The following MSI2 variants were observed in gnomAD, a reference collection of about 807,000 sequenced individuals.
MSI2 encodes RNA-binding protein Musashi homolog 2.
In MSI2, 17 loss-of-function variants were observed where a neutral mutation model predicts 45.6. That is an observed-to-expected ratio of 0.37 (90% CI 0.26 to 0.56). The LOEUF is 0.56. Ranked by LOEUF, MSI2 falls within the 20% of genes least tolerant of loss-of-function variation. MSI2 has a pLI of 0.77. For synonymous variants in MSI2, 156 were observed against 158.2 expected, an observed-to-expected ratio of 0.99 and a Z score of 0.11; for missense variants, 293 against 444.2, an observed-to-expected ratio of 0.66 and a Z score of 3.06.
chr17:57,696,552 A>G, the MSI2 span, among the ~76,000 whole-genome samples: 2 of 152,092 alleles, frequency 1.3e-5, no homozygotes, highest in Non-Finnish European at 2.9e-5. Flanking sequence ...TGGGGAACAT[A>G]GCAAGACCCC....
chr17:57,283,051 T>A (rs1432269760), intron 5 of MSI2, among the ~76,000 whole-genome samples: 1 of 152,164 alleles, frequency 6.6e-6, no homozygotes, highest in Non-Finnish European at 1.5e-5. Context: ...ATTGCCCATG[T>A]CCAGTAACCC....
rs1010096652 is a variant in MSI2 at position 57,586,068 on chromosome 17, T to C, written c.455-10800T>C. The stretch of plus-strand genomic sequence containing the variant: ...TATGTTTCTCTCTCGCCAAGAACTA[T>C]TTTCCCGACCAAGATGGAACACCAC... On this transcript the variant is annotated intron_variant, in intron 7 of 13. Coordinates refer to ENST00000284073, the MANE Select transcript of MSI2 (RefSeq NM_138962.4). 3.9e-5 allele frequency among the ~76,000 whole-genome samples: 6 copies of C among 152,228 alleles called. No individual in the cohort carries two copies. The South Asian group carries it at 6.2e-4, about 16-fold the overall frequency.
chr17:57,390,236 C>T (rs1034135818), intron 5 of MSI2, among the ~76,000 whole-genome samples: 3 of 152,202 alleles, frequency 2.0e-5, no homozygotes, highest in African/African-American at 7.2e-5. Flanking sequence ...GCCTGGGTGA[C>T]AGAGCAAGAC....
intron 5 of MSI2, among the ~76,000 whole-genome samples, chr17:57,271,122 G>A (rs1908315894): frequency 6.6e-6 from 1 of 152,116 alleles, no homozygotes; most frequent in Admixed American, 6.5e-5. Flanking sequence ...CCCTGTACTG[G>A]TCTTTATCTG....
chr17:57,510,273 G>A (rs1354791785), intron 6 of MSI2, among the ~76,000 whole-genome samples: 1 of 151,972 alleles, frequency 6.6e-6, no homozygotes, highest in East Asian at 1.9e-4. Context: ...GAGGTGGGAT[G>A]TTGTGAATGG....
At chr17:57,352,913 G>A (rs1207505348) in intron 5 of MSI2, among the ~76,000 whole-genome samples, 1 of 152,230 alleles carries the variant, frequency 6.6e-6, no homozygotes, top group East Asian at 1.9e-4. Flanking sequence ...AAGGATCAGG[G>A]TGTGGAGAGT....
In MSI2 at chr17:57,431,763, C is replaced by T. The variant is rs1390019180; in HGVS notation, c.405+30292C>T. 2.6e-5 allele frequency among the ~76,000 whole-genome samples: 4 copies of T among 152,212 alleles called. 1 individual carries two copies. The South Asian group carries it at 6.2e-4, about 24-fold the overall frequency. ...AGATAGGCCCCATCAGGGTGGGCCT[C>T]ATTCCAGCTTTGCAGCAAACAAGCT... is the stretch of plus-strand genomic sequence containing the variant. On this transcript the variant is annotated intron_variant, in intron 6 of 13. Transcript: ENST00000284073.
rs139249873 is a variant in MSI2 at position 57,456,784 on chromosome 17, A to G, written c.405+55313A>G. The stretch of plus-strand genomic sequence containing the variant: ...ATGTTGATGTAGTTTCCAGGACTGC[A>G]TCATCTTGGAGTTTATTTTAGGCAG... On this transcript the variant is annotated intron_variant, in intron 6 of 13. Transcript: ENST00000284073. 5.4e-4 allele frequency among the ~76,000 whole-genome samples: 82 copies of G among 152,294 alleles called. 1 individual carries two copies. Among genetic ancestry groups the G allele is most frequent in the Admixed American group, 4.5e-3 (69 of 15,290 alleles).
chr17:57,580,168 C>G (rs572196341), intron 7 of MSI2, among the ~76,000 whole-genome samples: 1 of 152,252 alleles, frequency 6.6e-6, no homozygotes, highest in East Asian at 1.9e-4. Flanking sequence ...GGGGTTTTCC[C>G]TTAGCACTGA....
At position 57,675,043 on chromosome 17, in the gene MSI2, C is replaced by T. The variant is rs755494165; in HGVS notation, c.862C>T (p.Pro288Ser). The change falls in exon 12 of 14, where the codon CCT (proline) becomes TCT (serine). Residue 288 changes from proline (P) to serine (S), a missense_variant. Coordinates refer to ENST00000284073, the MANE Select transcript of MSI2 (RefSeq NM_138962.4). ...SPGPVADLYG[P>S]ASQDSGVGNY... ...AGGACCTGTCGCCGATCTCTACGGC[C>T]CTGCCAGCCAGGACTCCGGAGTGGG... The T allele has an allele frequency of 6.2e-7, 1 of 1,614,110 alleles. No homozygotes were observed. The highest frequency in any genetic ancestry group is 1.1e-5 in the South Asian group (1 of 91,080).
rs1236373769 is a variant in MSI2 at position 57,682,897 on chromosome 17, G to A, written c.*3380G>A. On this transcript the variant is annotated 3_prime_UTR_variant, in exon 14 of 14. Transcript: ENST00000284073. ...GGCATTAGCTCCCGGACCCATTCCC[G>A]GTCCTAGCTGGGCATGGGGCTGACG... 4 of 225,996 alleles carry A rather than the reference G, an allele frequency of 1.8e-5. No homozygotes were observed. The highest frequency in any genetic ancestry group is 6.3e-5 in the East Asian group (1 of 15,764). The allele number at this position is 225,996 out of a possible 1,614,324, so 14.0% of individuals were successfully genotyped here. A position where few individuals can be genotyped will look rare whatever the true frequency, so the allele number is the denominator to read the frequency against.
intron 7 of MSI2, among the ~76,000 whole-genome samples, chr17:57,565,444 C>T (rs554903207): frequency 1.6e-4 from 25 of 152,168 alleles, no homozygotes; most frequent in Admixed American, 9.8e-4. Context: ...CTGGAATGTC[C>T]GTCCCTGCCC....
At chr17:57,360,386 G>T (rs1165835950) in intron 5 of MSI2, among the ~76,000 whole-genome samples, 3 of 152,230 alleles carry the variant, frequency 2.0e-5, no homozygotes, top group African/African-American at 7.2e-5. Context: ...TGATCTCTAG[G>T]AGAGGCTAGT....
intron 6 of MSI2, among the ~76,000 whole-genome samples, chr17:57,525,882 A>G (rs2086686400): frequency 6.6e-6 from 1 of 152,162 alleles, no homozygotes; most frequent in Non-Finnish European, 1.5e-5. Flanking sequence ...AGTTAATCAT[A>G]AGGATGAGGG....
At chr17:57,420,772 G>T (rs1399680557) in intron 6 of MSI2, among the ~76,000 whole-genome samples, 1 of 152,160 alleles carries the variant, frequency 6.6e-6, no homozygotes, top group Non-Finnish European at 1.5e-5. Flanking sequence ...AAATCAGAGA[G>T]GCCAATGAGG....
At chr17:57,276,202 C>A (rs1311074421) in intron 5 of MSI2, among the ~76,000 whole-genome samples, 1 of 152,210 alleles carries the variant, frequency 6.6e-6, no homozygotes, top group Admixed American at 6.5e-5. Context: ...TTAATTTCAG[C>A]ACATGAAAGT....
chr17:57,525,665 C>T (rs2144036417), intron 6 of MSI2, among the ~76,000 whole-genome samples: 1 of 152,316 alleles, frequency 6.6e-6, no homozygotes, highest in East Asian at 1.9e-4. Context: ...CAAGTTATTA[C>T]AAGGTACATC....
intron 11 of MSI2, among the ~76,000 whole-genome samples, chr17:57,669,490 T>C (rs1912617670): frequency 6.6e-6 from 1 of 152,236 alleles, no homozygotes; most frequent in South Asian, 2.1e-4. Flanking sequence ...AGTTTCTTGC[T>C]AATAGGGGAG....
chr17:57,387,925 T>C lies in MSI2; in HGVS notation c.313-13454T>C, dbSNP rs376258578. On this transcript the variant is annotated intron_variant, in intron 5 of 13. Coordinates refer to ENST00000284073, the MANE Select transcript of MSI2 (RefSeq NM_138962.4). ...TCATGTGTTATCTCTTTTAATACTA[T>C]TTTGTAGAAGAAGGAACAAGTTTAG... 6.5e-4 allele frequency among the ~76,000 whole-genome samples: 99 copies of C among 152,306 alleles called. 1 individual carries two copies. In the South Asian group the frequency reaches 0.02, roughly 31 times the overall value.
Sources: gnomAD v4.1 joint callset for allele counts (sites outside exome capture counted in the v4.1 genomes callset) on GRCh38, gnomAD v4.1.1 for gene constraint, MANE v1.5 for transcripts, NCBI Gene and HGNC (gene_info 2026-07-23, HGNC 2026-07-21) for gene names.